RPAP1: variants seen among roughly 807,000 people sequenced by gnomAD.
RPAP1 encodes RNA polymerase II associated protein 1.
RPAP1 carries 109 observed loss-of-function variants against 142.4 expected under a neutral mutation model. The ratio of observed to expected loss-of-function variants is 0.77; its 90% CI spans 0.66 to 0.90. The LOEUF (loss-of-function observed/expected upper bound fraction) is 0.90, where lower values mean the gene tolerates loss of function less well. Among genes scored for constraint, RPAP1 ranks in the 40% least tolerant of loss-of-function variants. RPAP1 has a pLI of 0.00. For synonymous variants in RPAP1, 704 were observed against 738.9 expected, an observed-to-expected ratio of 0.95 and a Z score of 0.77; for missense variants, 1,546 against 1,751.7, an observed-to-expected ratio of 0.88 and a Z score of 2.10.
At position 41,529,906 on chromosome 15, in the gene RPAP1, C is replaced by A; in HGVS notation, c.1017G>T (p.Trp339Cys). 6.2e-7 allele frequency: 1 copy of A among 1,613,510 alleles called. No individual in the cohort carries two copies. The highest frequency in any genetic ancestry group is 1.1e-5 in the South Asian group (1 of 91,008). ...GCCGGACAGGGGGCAAGTCCTGGGT[C>A]CAGTGGAGCTTCTCCAGCTCGACAG... The part of the protein sequence containing the change: ...MDTVELEKLH[W>C]TQDLPPVRRQ... Residue 339 changes from tryptophan (W) to cysteine (C), a missense_variant, in exon 8 of 25, where the codon TGG becomes TGT. Trp to Cys is a radical substitution (Grantham distance 215). This residue lies in a region of RPAP1 where 1,333 missense variants were observed against 1,486.6 expected (regional missense o/e 0.90). Coordinates refer to ENST00000304330, the MANE Select transcript of RPAP1 (RefSeq NM_015540.4).
intron 7 of RPAP1, among the ~76,000 whole-genome samples, chr15:41,530,685 A>G (rs888430830): frequency 2.6e-5 from 4 of 152,146 alleles, no homozygotes; most frequent in African/African-American, 9.7e-5. Context: ...AGAGAGAGAA[A>G]GAACAGTGGG....
intron 1 of RPAP1, chr15:41,543,945 T>A (rs1020774757): frequency 1.3e-5 from 2 of 152,166 alleles, no homozygotes; most frequent in East Asian, 3.9e-4. Context: ...CAGGATCCAA[T>A]CCCGAGTCGG....
At chr15:41,543,503 G>A (rs2051991188) in intron 1 of RPAP1, among the ~76,000 whole-genome samples, 1 of 151,994 alleles carries the variant, frequency 6.6e-6, no homozygotes, top group Non-Finnish European at 1.5e-5. Flanking sequence ...GTGAGCCACC[G>A]TGCGCGGCCT....
Position 41,517,484 on chromosome 15 carries a change from T to C in RPAP1, c.*58A>G. 7.0e-7 allele frequency: 1 copy of C among 1,433,658 alleles called. No individual in the cohort carries two copies. Among genetic ancestry groups the C allele is most frequent in the Non-Finnish European group, 9.4e-7 (1 of 1,062,798 alleles). The allele number at this position is 1,433,658 out of a possible 1,614,324, so 88.8% of individuals were successfully genotyped here. On this transcript the variant is annotated 3_prime_UTR_variant, in exon 25 of 25. Coordinates refer to ENST00000304330, the MANE Select transcript of RPAP1 (RefSeq NM_015540.4). ...ACAATGTTCTTCGTCTGGCCAGACA[T>C]CTGTTGAAAGGCTGGATACAGGACA...
At chr15:41,542,032 A>T (rs1016569507) in intron 1 of RPAP1, among the ~76,000 whole-genome samples, 3 of 152,116 alleles carry the variant, frequency 2.0e-5, no homozygotes, top group East Asian at 1.9e-4. Flanking sequence ...TTATCAAAAA[A>T]TTTTTTGAGA....
chr15:41,528,553 C>G (rs1044569885), intron 9 of RPAP1, among the ~76,000 whole-genome samples: 1 of 152,060 alleles, frequency 6.6e-6, no homozygotes, highest in Non-Finnish European at 1.5e-5. Context: ...TTGCGACCGG[C>G]GGACAGGAGA....
rs763537789 is a variant in RPAP1, at chr15:41,526,950, A to G, written c.1865T>C (p.Met622Thr). 3 of 1,614,106 alleles carry G rather than the reference A, an allele frequency of 1.9e-6. No individual in the cohort carries two copies. The highest frequency in any genetic ancestry group is 1.7e-5 in the Admixed American group (1 of 60,024). The change falls in exon 14 of 25, where the codon ATG (methionine) becomes ACG (threonine). Residue 622 changes from methionine to threonine, a missense_variant. Met to Thr is a moderately conservative substitution (Grantham distance 81, BLOSUM62 -1). Transcript: ENST00000304330. ...TGAGGCCAGGACACGAAGTAGTTTC[A>G]TGGCAGTAGCACAGGGTACTTTGTA... The part of the protein sequence containing the change: ...SLYKVPCATA[M>T]KLLRVLASAG...
At chr15:41,531,623 ATATATTTTTTTTTTTTTT>A (rs1163858971) in intron 6 of RPAP1, among the ~76,000 whole-genome samples, 433 of 35,098 alleles carry the variant, frequency 0.012, no homozygotes, top group Admixed American at 0.068. Flanking sequence ...ATATATATAT[ATATATTTTTTTTTTTTTT>A]TTTTTTTTTT....
rs1212098712 is a variant in RPAP1, at chr15:41,527,597, G to A, written c.1437C>T (p.Leu479=). 5.0e-6 allele frequency: 8 copies of A among 1,612,364 alleles called. No homozygotes were observed. Among genetic ancestry groups the A allele is most frequent in the South Asian group, 1.1e-5 (1 of 90,834 alleles). ...LLVAPGDEEL[L]DSTFSWYHGA... Reference sequence around the variant, plus strand: ...CATGGTACCAAGAGAAGGTGCTGTCGAGGAGCTCCTGCCAGAGGAACGGGA... The same window carrying A: ...CATGGTACCAAGAGAAGGTGCTGTCAAGGAGCTCCTGCCAGAGGAACGGGA... Residue 479 remains leucine, a synonymous_variant, in exon 12 of 25, where the codon CTC becomes CTT. Transcript: ENST00000304330.
intron 22 of RPAP1, among the ~76,000 whole-genome samples, chr15:41,518,772 G>A (rs903843259): frequency 1.3e-5 from 2 of 152,042 alleles, no homozygotes; most frequent in African/African-American, 4.8e-5. Flanking sequence ...GAACCTGGGA[G>A]CTAGAGGTTG....
Position 41,527,003 on chromosome 15 carries a change from AGGAGACCAACTGGTG to A in RPAP1, c.1797_1811del (p.Thr600_Pro604del), listed in dbSNP as rs2051798633. 1 of 1,614,104 alleles carries A rather than the reference AGGAGACCAACTGGTG, an allele frequency of 6.2e-7. No individual in the cohort carries two copies. Among genetic ancestry groups the A allele is most frequent in the African/African-American group, 1.3e-5 (1 of 74,942 alleles). ...GACTAGGGGTAGGCCCTGCCCCCACAGGAGACCAACTGGTGGGCAAGAACTCTCGAACTATAGTCT... is the reference window on the plus strand; with the variant it reads ...GACTAGGGGTAGGCCCTGCCCCCACAGGCAAGAACTCTCGAACTATAGTCT... On this transcript the variant is annotated inframe_deletion, in exon 14 of 25. Coordinates refer to ENST00000304330, the MANE Select transcript of RPAP1 (RefSeq NM_015540.4).
chr15:41,530,642 T>C (rs2051837886), intron 7 of RPAP1, among the ~76,000 whole-genome samples: 1 of 152,208 alleles, frequency 6.6e-6, no homozygotes, highest in African/African-American at 2.4e-5. Flanking sequence ...CTTATTACTC[T>C]GGCCCTGCCA....
chr15:41,521,652 T>C, intron 21 of RPAP1, 86 bp downstream of exon 21: 1 of 1,467,664 alleles, frequency 6.8e-7, no homozygotes, highest in East Asian at 2.3e-5. Context: ...AATTTAGGTC[T>C]CCTGGCTCCA....
chr15:41,527,556 G>C lies in RPAP1; in HGVS notation c.1478C>G (p.Pro493Arg), dbSNP rs2140770451. 1 of 1,614,082 alleles carries C rather than the reference G, an allele frequency of 6.2e-7. No individual in the cohort carries two copies. Among genetic ancestry groups the C allele is most frequent in the East Asian group, 2.2e-5 (1 of 44,880 alleles). ...CTTGTCCTCCTGGCTGGGCATCAGA[G>C]GGAACGTCAAAGCTCCATGGTACCA... is the stretch of plus-strand genomic sequence containing the variant. ...FSWYHGALTF[P>R]LMPSQEDKED... The change falls in exon 12 of 25, where the codon CCT (proline) becomes CGT (arginine). Residue 493 changes from proline to arginine, a missense_variant. Coordinates refer to ENST00000304330, the MANE Select transcript of RPAP1 (RefSeq NM_015540.4).
intron 19 of RPAP1, 68 bp from the exon 20 acceptor site, chr15:41,522,318 C>A: frequency 6.8e-7 from 1 of 1,475,416 alleles, no homozygotes; most frequent in Non-Finnish European, 9.2e-7. Flanking sequence ...CCCCAGGTGG[C>A]TGCCCCTCTC....
In RPAP1 at chr15:41,527,038, T is replaced by C. The variant is rs1210223400; in HGVS notation, c.1777A>G (p.Ile593Val). 1 of 1,614,204 alleles carries C rather than the reference T, an allele frequency of 6.2e-7. No homozygotes were observed. Among genetic ancestry groups the C allele is most frequent in the Admixed American group, 1.7e-5 (1 of 60,022 alleles). The change falls in exon 14 of 25, where the codon ATA becomes GTA. Residue 593 changes from isoleucine (I) to valine (V), a missense_variant. Physicochemically the swap from Ile to Val is conservative, Grantham distance 29. Around this residue, in one of 3 missense-constraint regions of RPAP1, gnomAD observed 1,333 missense variants for 1,486.6 expected, o/e 0.90. Transcript: ENST00000304330. ...CTGGTGGGCAAGAACTCTCGAACTA[T>C]AGTCTCTATCAGCCGAGGGCACTCC... ...VLECPRLIET[I>V]VREFLPTSWS...
At chr15:41,543,182 G>T (rs2051987224) in intron 1 of RPAP1, among the ~76,000 whole-genome samples, 1 of 150,000 alleles carries the variant, frequency 6.7e-6, no homozygotes, top group Non-Finnish European at 1.5e-5. Flanking sequence ...GCGAAATTAG[G>T]CAAATTATCA....
At chr15:41,529,841 G>C (rs1310680319) in intron 8 of RPAP1, 23 bp downstream of exon 8, 1 of 1,553,422 alleles carries the variant, frequency 6.4e-7, no homozygotes, top group Non-Finnish European at 8.8e-7. Context: ...CCCACCCCTT[G>C]TAGGCCAGGT....
intron 7 of RPAP1, 21 bp downstream of exon 7, chr15:41,531,002 T>A: frequency 1.3e-6 from 2 of 1,592,436 alleles, no homozygotes; most frequent in Non-Finnish European, 1.7e-6. Flanking sequence ...CACCAAAATA[T>A]GACCCCCGCC....
Sources: gnomAD v4.1 joint callset for allele counts (sites outside exome capture counted in the v4.1 genomes callset) on GRCh38, gnomAD v4.1.1 for gene constraint, gnomAD v4.1.1 regional missense constraint, MANE v1.5 for transcripts, NCBI Gene and HGNC (gene_info 2026-07-23, HGNC 2026-07-21) for gene names.